ANKRD44: variants seen among roughly 807,000 people sequenced by gnomAD.
ANKRD44 encodes the protein ankyrin repeat domain 44.
ANKRD44 carries 35 observed loss-of-function variants against 116.0 expected under a neutral mutation model. That is an observed-to-expected ratio of 0.30 (90% CI 0.23 to 0.40). The LOEUF is 0.40. Ranked by LOEUF, ANKRD44 falls within the 10% of genes least tolerant of loss-of-function variation. The pLI, the probability that ANKRD44 is intolerant of heterozygous loss-of-function variation, is 1.00. For missense variants in ANKRD44, 1,014 were observed against 1,242.6 expected (o/e 0.82, Z 2.77); for synonymous variants, 435 against 461.8 (o/e 0.94, Z 0.74).
intron 2 of ANKRD44, among the ~76,000 whole-genome samples, chr2:197,148,200 T>C (rs1328551587): frequency 6.6e-6 from 1 of 152,222 alleles, no homozygotes; most frequent in African/African-American, 2.4e-5. Context: ...AAGCCCATTA[T>C]TGTCATTGGC....
At chr2:197,064,786 C>T (rs993992523) in intron 16 of ANKRD44, among the ~76,000 whole-genome samples, 1 of 152,182 alleles carries the variant, frequency 6.6e-6, no homozygotes, top group African/African-American at 2.4e-5. Flanking sequence ...AATACAGGAG[C>T]ACCCAGATTC....
chr2:197,041,029 A>AAAGTCT (rs1402921443), intron 16 of ANKRD44, among the ~76,000 whole-genome samples: 7 of 152,226 alleles, frequency 4.6e-5, no homozygotes, highest in Non-Finnish European at 5.9e-5. Flanking sequence ...GAAGCCTTCA[A>AAAGTCT]AAGTCTTACT....
At position 197,219,346 on chromosome 2, in the gene ANKRD44, A is replaced by G. The variant is rs1228437724; in HGVS notation, c.28-32240T>C. Among the ~76,000 whole-genome samples the G allele has an allele frequency of 2.0e-5, 3 of 152,024 alleles. No individual in the cohort carries two copies. In the South Asian group the frequency reaches 6.2e-4, roughly 32 times the overall value. On this transcript the variant is annotated intron_variant, in intron 1 of 27. Coordinates refer to ENST00000282272, the MANE Select transcript of ANKRD44 (RefSeq NM_001195144.2). ...GCCTCCTAAAGTGCTGGGATTACAG[A>G]CATGAGCCACTGCGCCTGGCCCTAA...
intron 23 of ANKRD44, among the ~76,000 whole-genome samples, 199 bp from the exon 24 acceptor site, chr2:196,999,251 A>C (rs2076070233): frequency 6.6e-6 from 1 of 152,092 alleles, no homozygotes; most frequent in African/African-American, 2.4e-5. Flanking sequence ...AACCCCCTAG[A>C]TTTGGGAGGG....
intron 1 of ANKRD44, among the ~76,000 whole-genome samples, chr2:197,189,905 A>G (rs1323756317): frequency 1.3e-5 from 2 of 152,180 alleles, no homozygotes; most frequent in Admixed American, 1.3e-4. Context: ...ATTCTGTTGC[A>G]TTCACTCCGT....
chr2:197,169,891 T>TAAA (rs2080186126), intron 2 of ANKRD44, among the ~76,000 whole-genome samples: 1 of 151,252 alleles, frequency 6.6e-6, no homozygotes, highest in East Asian at 1.9e-4. Context: ...AAAAATTTTT[T>TAAA]AAAAAAAAGA....
intron 15 of ANKRD44, among the ~76,000 whole-genome samples, chr2:197,080,390 C>T (rs748201765): frequency 3.3e-5 from 5 of 152,100 alleles, no homozygotes; most frequent in Non-Finnish European, 5.9e-5. Flanking sequence ...ATGCACATGA[C>T]GTCAGAGGCG....
intron 2 of ANKRD44, among the ~76,000 whole-genome samples, chr2:197,152,455 G>T (rs551023589): frequency 2.6e-5 from 4 of 152,170 alleles, no homozygotes; most frequent in Non-Finnish European, 4.4e-5. Flanking sequence ...AGATGCATGA[G>T]AAATGAGAAG....
At chr2:197,170,750 G>A (rs1248999281) in intron 2 of ANKRD44, among the ~76,000 whole-genome samples, 1 of 152,186 alleles carries the variant, frequency 6.6e-6, no homozygotes, top group Non-Finnish European at 1.5e-5. Context: ...ATGAGATGCA[G>A]AGTTTAGAGT....
intron 21 of ANKRD44, among the ~76,000 whole-genome samples, chr2:196,971,060 T>C (rs2075712001): frequency 6.7e-6 from 1 of 150,244 alleles, no homozygotes. Flanking sequence ...ATATTCAATG[T>C]TTGCATATTT....
chr2:197,020,132 G>T (rs2076469713), intron 17 of ANKRD44, among the ~76,000 whole-genome samples: 2 of 152,008 alleles, frequency 1.3e-5, no homozygotes, highest in South Asian at 4.1e-4. Context: ...GTGATTTTAA[G>T]CCAACTCAGG....
chr2:197,147,145 G>A, intron 2 of ANKRD44, 40 bp from the exon 3 acceptor site: 1 of 1,562,504 alleles, frequency 6.4e-7, no homozygotes, highest in Non-Finnish European at 8.8e-7. Context: ...CAGGTCAGTG[G>A]CAGCTGGAGG....
chr2:197,232,192 G>A lies in ANKRD44; in HGVS notation c.28-45086C>T, dbSNP rs191367231. On this transcript the variant is annotated intron_variant, in intron 1 of 27. Transcript: ENST00000282272. ...AGCACAAAGCTTCACCTTAGTAAGT[G>A]AGCTGATCACAAAACTTCACGCAGA... Among the ~76,000 whole-genome samples, 813 of 152,276 alleles carry A rather than the reference G, an allele frequency of 5.3e-3. 6 individuals are homozygous for A. Among genetic ancestry groups the A allele is most frequent in the African/African-American group, 0.018 (765 of 41,546 alleles).
chr2:197,177,438 T>A (rs1291493651), intron 2 of ANKRD44, among the ~76,000 whole-genome samples: 2 of 152,148 alleles, frequency 1.3e-5, no homozygotes, highest in Admixed American at 6.5e-5. Flanking sequence ...GGAGCGCCAT[T>A]ATGCTTGTCA....
At chr2:197,308,781 T>C (rs2084151551) in intron 1 of ANKRD44, among the ~76,000 whole-genome samples, 1 of 152,260 alleles carries the variant, frequency 6.6e-6, no homozygotes, top group Admixed American at 6.5e-5. Flanking sequence ...AATACACTTC[T>C]CACTAGGGTT....
At chr2:197,260,239 C>A (rs1189736307) in intron 1 of ANKRD44, among the ~76,000 whole-genome samples, 1 of 152,136 alleles carries the variant, frequency 6.6e-6, no homozygotes, top group East Asian at 1.9e-4. Flanking sequence ...CCCACTCCCC[C>A]CACTCCACAA....
intron 17 of ANKRD44, among the ~76,000 whole-genome samples, chr2:197,018,679 T>C (rs192296565): frequency 6.6e-5 from 10 of 152,372 alleles, no homozygotes; most frequent in African/African-American, 2.2e-4. Flanking sequence ...ATGTGGGTTG[T>C]TCCTGCTGTA....
chr2:197,025,151 G>A, intron 17 of ANKRD44, 45 bp downstream of exon 17: 2 of 1,562,432 alleles, frequency 1.3e-6, no homozygotes, highest in Non-Finnish European at 1.8e-6. Context: ...GGAATGCTTA[G>A]GTTGTTTTTG....
intron 1 of ANKRD44, among the ~76,000 whole-genome samples, chr2:197,248,576 G>GTGTA (rs1553539900): frequency 2.7e-5 from 3 of 110,482 alleles, no homozygotes; most frequent in East Asian, 8.3e-4. Context: ...GTGTGTGTGT[G>GTGTA]TGTATATATA....
Sources: gnomAD v4.1 joint callset for allele counts (sites outside exome capture counted in the v4.1 genomes callset) on GRCh38, gnomAD v4.1.1 for gene constraint, MANE v1.5 for transcripts, NCBI Gene and HGNC (gene_info 2026-07-23, HGNC 2026-07-21) for gene names.